The following ACTN4 variants were observed in gnomAD, a reference collection of about 807,000 sequenced individuals.
ACTN4 encodes the protein actinin alpha 4.
In ACTN4, 18 loss-of-function variants were observed where a neutral mutation model predicts 114.2. That is an observed-to-expected ratio of 0.16 (90% CI 0.11 to 0.23). The LOEUF is 0.23. Ranked by LOEUF, ACTN4 falls within the 10% of genes least tolerant of loss-of-function variation. The pLI is 1.00. For missense variants in ACTN4, 722 were observed against 1,262.9 expected, an observed-to-expected ratio of 0.57 and a Z score of 6.49; for synonymous variants, 515 against 506.3, an observed-to-expected ratio of 1.02 and a Z score of -0.23.
Position 38,700,680 on chromosome 19 carries a change from G to T in ACTN4, c.243G>T (p.Gly81=). 1 of 1,614,102 alleles carries T rather than the reference G, an allele frequency of 6.2e-7. No individual in the cohort carries two copies. Among genetic ancestry groups the T allele is most frequent in the Non-Finnish European group, 8.5e-7 (1 of 1,179,998 alleles). Residue 81 remains glycine, a synonymous_variant, in exon 2 of 21, where the codon GGG becomes GGT. Coordinates refer to ENST00000252699, the MANE Select transcript of ACTN4 (RefSeq NM_004924.6). ...ACATTGATGAGGACTTCCGAGACGG[G>T]CTCAAGCTCATGCTGCTCCTGGAGG... The part of the protein sequence containing the change: ...IENIDEDFRD[G]LKLMLLLEVI...
In ACTN4 at chr19:38,730,939, C is replaced by G; in HGVS notation, c.*1507C>G. 1 of 1,550,526 alleles carries G rather than the reference C, an allele frequency of 6.4e-7. No individual in the cohort carries two copies. The highest frequency in any genetic ancestry group is 8.7e-7 in the Non-Finnish European group (1 of 1,147,040). ...GGAGCTCGCAGGACAGAGCCTGAGC[C>G]ACCCTGTCCCTCCCACCTGGCTCAC... On this transcript the variant is annotated 3_prime_UTR_variant, in exon 21 of 21. Coordinates refer to ENST00000252699, the MANE Select transcript of ACTN4 (RefSeq NM_004924.6).
In ACTN4 at chr19:38,700,966, G is replaced by C. The variant is rs372204337; in HGVS notation, c.278-36G>C. On this transcript the variant is annotated intron_variant, in intron 2 of 20. Transcript: ENST00000252699. ...GCCCTCTCTCCCTTTCTCTCTCTCT[G>C]TCTCGCCCCCTCTTTTCTCTTTGTG... The C allele has an allele frequency of 2.2e-5, 35 of 1,610,150 alleles. No homozygotes were observed. The African/African-American group carries it at 4.4e-4, about 20-fold the overall frequency.
chr19:38,728,137 A>G, intron 19 of ACTN4, 111 bp downstream of exon 19: 1 of 1,400,518 alleles, frequency 7.1e-7, no homozygotes, highest in East Asian at 2.5e-5. Context: ...GTGCCATCTC[A>G]TGGCTCTCTT....
chr19:38,693,912 T>G (rs1329026142), intron 1 of ACTN4, among the ~76,000 whole-genome samples: 3 of 152,180 alleles, frequency 2.0e-5, no homozygotes, highest in Admixed American at 1.3e-4. Context: ...CTGACAAGCT[T>G]GCCTTTCTCT....
intron 1 of ACTN4, among the ~76,000 whole-genome samples, chr19:38,651,816 A>G (rs1193353303): frequency 1.3e-5 from 2 of 151,784 alleles, no homozygotes; most frequent in Non-Finnish European, 2.9e-5. Flanking sequence ...GCTCACCACA[A>G]CCTCTTCCAG....
At position 38,730,430 on chromosome 19, in the gene ACTN4, CTTTT is replaced by C. The variant is rs1202093647; in HGVS notation, c.*1005_*1008del. The C allele has an allele frequency of 2.3e-5, 4 of 175,920 alleles. No individual in the cohort carries two copies. The highest frequency in any genetic ancestry group is 4.8e-5 in the Non-Finnish European group (4 of 83,082). 10.9% of individuals were successfully genotyped at this position (175,920 alleles called of 1,614,324 possible). On this transcript the variant is annotated 3_prime_UTR_variant, in exon 21 of 21. Transcript: ENST00000252699. Reference sequence around the variant, plus strand: ...TGGTTGATGGTTTTGCTCCCCCTACCTTTTTTTTTTGAGTTTATTCTGATTGATT... The same window carrying C: ...TGGTTGATGGTTTTGCTCCCCCTACCTTTTTTGAGTTTATTCTGATTGATT...
Position 38,648,238 on chromosome 19 carries a change from G to A in ACTN4, c.162+331G>A, listed in dbSNP as rs148821327. Reference sequence around the variant, plus strand: ...TGACTGGGCAGGCTGAAATGGAACTGGGATCCGAGGCGGGCTTGAAGGGTC... The same window carrying A: ...TGACTGGGCAGGCTGAAATGGAACTAGGATCCGAGGCGGGCTTGAAGGGTC... On this transcript the variant is annotated intron_variant, in intron 1 of 20. Coordinates refer to ENST00000252699, the MANE Select transcript of ACTN4 (RefSeq NM_004924.6). 1.7e-3 allele frequency: 388 copies of A among 230,372 alleles called. 6 individuals are homozygous for A. Among genetic ancestry groups the A allele is most frequent in the African/African-American group, 8.3e-3 (365 of 43,974 alleles). 14.3% of individuals were successfully genotyped at this position (230,372 alleles called of 1,614,324 possible).
In ACTN4 at chr19:38,729,742, T is replaced by G. The variant is rs1969416024; in HGVS notation, c.*310T>G. ...CCCACAGCACAACCGGTCCCTTCCA[T>G]GCCCTGGGATGCCTCACCACACCCA... On this transcript the variant is annotated 3_prime_UTR_variant, in exon 21 of 21. Coordinates refer to ENST00000252699, the MANE Select transcript of ACTN4 (RefSeq NM_004924.6). 3.6e-6 allele frequency: 2 copies of G among 558,426 alleles called. No homozygotes were observed. The highest frequency in any genetic ancestry group is 3.4e-6 in the Non-Finnish European group (1 of 295,374). 34.6% of individuals were successfully genotyped at this position (558,426 alleles called of 1,614,324 possible).
At chr19:38,725,254 G>A (rs1969192379) in intron 16 of ACTN4, among the ~76,000 whole-genome samples, 1 of 152,164 alleles carries the variant, frequency 6.6e-6, no homozygotes, top group African/African-American at 2.4e-5. Flanking sequence ...CCGGGTGCCA[G>A]GCAGGTCAGC....
intron 17 of ACTN4, among the ~76,000 whole-genome samples, chr19:38,726,747 T>C (rs367783459): frequency 8.6e-4 from 131 of 152,316 alleles, no homozygotes; most frequent in African/African-American, 3.1e-3. Context: ...GCCCTTCTGC[T>C]GCCCCTGTAG....
intron 1 of ACTN4, among the ~76,000 whole-genome samples, chr19:38,691,401 C>CAA (rs34899917): frequency 1.5e-3 from 79 of 52,758 alleles, no homozygotes; most frequent in Admixed American, 5.7e-3. Flanking sequence ...AACTCCGTCT[C>CAA]AAAAAAAAAA....
At chr19:38,701,250 C>T (rs1307370620) in intron 3 of ACTN4, 129 bp downstream of exon 3, 1 of 1,455,918 alleles carries the variant, frequency 6.9e-7, no homozygotes, top group East Asian at 2.4e-5. Flanking sequence ...AGCCCCAGTA[C>T]ATACTCAGCA....
chr19:38,650,027 A>G (rs1976514036), intron 1 of ACTN4, among the ~76,000 whole-genome samples: 3 of 152,174 alleles, frequency 2.0e-5, no homozygotes, highest in African/African-American at 7.2e-5. Flanking sequence ...AGTCTCAACA[A>G]TAATTTATTG....
At chr19:38,706,981 G>A (rs1968482828) in intron 5 of ACTN4, among the ~76,000 whole-genome samples, 1 of 152,200 alleles carries the variant, frequency 6.6e-6, no homozygotes, top group Admixed American at 6.5e-5. Flanking sequence ...GGCTCTGGGG[G>A]CGGTCCTGAG....
At chr19:38,665,239 C>G (rs986333397) in intron 1 of ACTN4, among the ~76,000 whole-genome samples, 1 of 152,114 alleles carries the variant, frequency 6.6e-6, no homozygotes, top group Non-Finnish European at 1.5e-5. Flanking sequence ...GGAGGGAGGC[C>G]GACCTGGGCT....
chr19:38,688,271 G>A (rs754630827), intron 1 of ACTN4, among the ~76,000 whole-genome samples: 10 of 151,212 alleles, frequency 6.6e-5, no homozygotes, highest in Non-Finnish European at 1.2e-4. Flanking sequence ...AAATTAGGCC[G>A]GGTATGGTGG....
chr19:38,688,412 C>A (rs866614975), intron 1 of ACTN4, among the ~76,000 whole-genome samples: 48 of 78,154 alleles, frequency 6.1e-4, no homozygotes, highest in Admixed American at 1.2e-3. Context: ...AAAAAAAAAA[C>A]CCACAAAAAT....
chr19:38,699,571 A>G (rs1968200340), intron 1 of ACTN4, among the ~76,000 whole-genome samples: 1 of 152,134 alleles, frequency 6.6e-6, no homozygotes, highest in African/African-American at 2.4e-5. Flanking sequence ...CCTGGCCAAC[A>G]TGGTAAAACC....
chr19:38,681,129 G>GGA (rs750732950), intron 1 of ACTN4, among the ~76,000 whole-genome samples: 2 of 69,274 alleles, frequency 2.9e-5, no homozygotes, highest in Admixed American at 2.0e-4. Flanking sequence ...CCAATCTCTA[G>GGA]AAAAAAAAAA....
Sources: gnomAD v4.1 joint callset for allele counts (sites outside exome capture counted in the v4.1 genomes callset) on GRCh38, gnomAD v4.1.1 for gene constraint, MANE v1.5 for transcripts, NCBI Gene and HGNC (gene_info 2026-07-23, HGNC 2026-07-21) for gene names.